Variants in CNTNAP2 observed in about 807,000 individuals in gnomAD.
CNTNAP2 encodes contactin-associated protein-like 2.
A neutral mutation model predicts 155.2 loss-of-function variants in CNTNAP2; 98 were observed. The observed-to-expected ratio is 0.63, with a 90% CI of 0.54 to 0.75. The LOEUF (loss-of-function observed/expected upper bound fraction) is 0.75, where lower values mean the gene tolerates loss of function less well. Among genes scored for constraint, CNTNAP2 ranks in the 30% least tolerant of loss-of-function variants. The probability of loss-of-function intolerance (pLI) is 0.00; values close to 1 mark genes in which losing one functional copy is unlikely to be tolerated. For missense variants in CNTNAP2, 1,727 were observed against 1,688.1 expected, an observed-to-expected ratio of 1.02 and a Z score of -0.40; for synonymous variants, 651 against 631.2, an observed-to-expected ratio of 1.03 and a Z score of -0.47.
chr7:147,560,014 C>G lies in CNTNAP2; in HGVS notation c.1778-2124C>G, dbSNP rs368665345. ...AGAAACCCCGTCTCCACTAAAAATA[C>G]TAAATTAGCCGGGCATGGTGGCGGA... On this transcript the variant is annotated intron_variant, in intron 11 of 23. Coordinates refer to ENST00000361727, the MANE Select transcript of CNTNAP2 (RefSeq NM_014141.6). 1.1e-4 allele frequency among the ~76,000 whole-genome samples: 17 copies of G among 151,740 alleles called. 1 individual carries two copies. Among genetic ancestry groups the G allele is most frequent in the Admixed American group, 3.9e-4 (6 of 15,232 alleles).
intron 17 of CNTNAP2, among the ~76,000 whole-genome samples, chr7:148,171,429 A>T (rs1243404420): frequency 6.6e-6 from 1 of 152,202 alleles, no homozygotes; most frequent in Non-Finnish European, 1.5e-5. Flanking sequence ...CTTTAAAAAG[A>T]TTATAGCTAA....
intron 6 of CNTNAP2, among the ~76,000 whole-genome samples, chr7:147,123,481 A>G (rs1181191683): frequency 6.6e-6 from 1 of 152,214 alleles, no homozygotes; most frequent in Non-Finnish European, 1.5e-5. Flanking sequence ...AAGCCCATCT[A>G]TATACAATGT....
intron 1 of CNTNAP2, among the ~76,000 whole-genome samples, chr7:146,404,136 A>AAAAAC (rs1219635439): frequency 3.3e-5 from 5 of 150,850 alleles, no homozygotes; most frequent in East Asian, 3.9e-4. Flanking sequence ...AAAAAAAAAA[A>AAAAAC]AAAAAACAAA....
intron 16 of CNTNAP2, among the ~76,000 whole-genome samples, chr7:148,131,662 T>C (rs1351328140): frequency 6.6e-6 from 1 of 152,122 alleles, no homozygotes; most frequent in African/African-American, 2.4e-5. Flanking sequence ...AAAATTTAAA[T>C]TATAATAAGG....
intron 12 of CNTNAP2, among the ~76,000 whole-genome samples, chr7:147,576,791 TGCA>T (rs1405094658): frequency 7.5e-6 from 1 of 133,828 alleles, no homozygotes; most frequent in African/African-American, 2.7e-5. Context: ...CTATGATAAA[TGCA>T]ACTTATACGT....
chr7:147,052,714 A>C (rs796831182), intron 4 of CNTNAP2, among the ~76,000 whole-genome samples: 1 of 152,002 alleles, frequency 6.6e-6, no homozygotes, highest in African/African-American at 2.4e-5. Context: ...CAGAGGAAAA[A>C]AAACCACCCA....
chr7:147,526,191 C>CAA (rs200655145), intron 11 of CNTNAP2, among the ~76,000 whole-genome samples: 58 of 63,770 alleles, frequency 9.1e-4, no homozygotes, highest in African/African-American at 1.9e-3. Context: ...GACTCCATCT[C>CAA]AAAAAAAAAA....
chr7:147,969,167 A>G (rs909699184), intron 14 of CNTNAP2, among the ~76,000 whole-genome samples: 1 of 150,870 alleles, frequency 6.6e-6, no homozygotes, highest in Non-Finnish European at 1.5e-5. Context: ...CTCCCACCTC[A>G]GCCTCTTGAG....
chr7:146,931,336 A>G (rs1436221724), intron 3 of CNTNAP2, among the ~76,000 whole-genome samples: 3 of 151,648 alleles, frequency 2.0e-5, no homozygotes, highest in Admixed American at 6.6e-5. Flanking sequence ...CTGAATGACT[A>G]CTGGGTACAT....
chr7:146,247,054 A>C (rs1378292745), intron 1 of CNTNAP2, among the ~76,000 whole-genome samples: 2 of 152,172 alleles, frequency 1.3e-5, no homozygotes, highest in African/African-American at 4.8e-5. Flanking sequence ...TTGGAGTTGT[A>C]TTTAATGTCG....
chr7:147,863,838 G>A (rs112149262), intron 13 of CNTNAP2, among the ~76,000 whole-genome samples: 10 of 151,800 alleles, frequency 6.6e-5, no homozygotes, highest in African/African-American at 2.4e-4. Flanking sequence ...CCCTTTGTCA[G>A]ATGGGTAGAT....
intron 8 of CNTNAP2, among the ~76,000 whole-genome samples, chr7:147,240,727 G>A (rs1803917321): frequency 6.6e-6 from 1 of 152,170 alleles, no homozygotes; most frequent in East Asian, 1.9e-4. Context: ...GCCAGCAGCA[G>A]AGTACTGACA....
intron 20 of CNTNAP2, among the ~76,000 whole-genome samples, chr7:148,233,183 C>T (rs756860336): frequency 1.9e-4 from 29 of 152,304 alleles, no homozygotes; most frequent in East Asian, 1.9e-4. Flanking sequence ...AATCCAAAAG[C>T]GAAACATTCT....
At chr7:147,733,427 G>A (rs373361014) in intron 13 of CNTNAP2, among the ~76,000 whole-genome samples, 4 of 152,160 alleles carry the variant, frequency 2.6e-5, no homozygotes, top group Non-Finnish European at 5.9e-5. Flanking sequence ...CTGTAGCCTT[G>A]TAGTATAGTT....
chr7:146,259,646 G>T (rs1799890889), intron 1 of CNTNAP2, among the ~76,000 whole-genome samples: 1 of 152,110 alleles, frequency 6.6e-6, no homozygotes, highest in Non-Finnish European at 1.5e-5. Context: ...AAATTTCTAA[G>T]CAACAAAGCA....
At chr7:146,812,980 G>T (rs1803095774) in intron 2 of CNTNAP2, among the ~76,000 whole-genome samples, 1 of 152,154 alleles carries the variant, frequency 6.6e-6, no homozygotes, top group African/African-American at 2.4e-5. Flanking sequence ...TCCAGGTAAT[G>T]TTGGTGCACA....
intron 8 of CNTNAP2, among the ~76,000 whole-genome samples, chr7:147,259,176 T>A (rs1225903596): frequency 1.3e-5 from 2 of 152,246 alleles, no homozygotes; most frequent in Non-Finnish European, 2.9e-5. Context: ...TGTAGGCATA[T>A]TCACTTAACT....
intron 1 of CNTNAP2, among the ~76,000 whole-genome samples, chr7:146,760,784 TGGC>T (rs1283531526): frequency 6.6e-6 from 1 of 152,066 alleles, no homozygotes; most frequent in Non-Finnish European, 1.5e-5. Flanking sequence ...CGTCCAATAA[TGGC>T]TGTACCACCC....
intron 1 of CNTNAP2, among the ~76,000 whole-genome samples, chr7:146,718,713 G>C (rs1801234147): frequency 6.6e-6 from 1 of 152,014 alleles, no homozygotes. Flanking sequence ...TAGTTCTGTT[G>C]CTTGGCAGTT....
Sources: gnomAD v4.1 joint callset for allele counts (sites outside exome capture counted in the v4.1 genomes callset) on GRCh38, gnomAD v4.1.1 for gene constraint, MANE v1.5 for transcripts, NCBI Gene and HGNC (gene_info 2026-07-23, HGNC 2026-07-21) for gene names.